Variants in NRG3 observed in about 807,000 individuals in gnomAD.
NRG3 encodes the protein neuregulin 3.
NRG3 carries 31 observed loss-of-function variants against 66.9 expected under a neutral mutation model. That is an observed-to-expected ratio of 0.46 (90% CI 0.35 to 0.63). The LOEUF (loss-of-function observed/expected upper bound fraction) is 0.63. NRG3 is among the 20% of genes least tolerant of loss of function. The pLI is 0.00. For synonymous variants in NRG3, 393 were observed against 359.4 expected, an observed-to-expected ratio of 1.09 and a Z score of -1.06; for missense variants, 910 against 878.9, an observed-to-expected ratio of 1.04 and a Z score of -0.45.
At chr10:82,019,108 C>T (rs932221366) in intron 1 of NRG3, among the ~76,000 whole-genome samples, 1 of 152,054 alleles carries the variant, frequency 6.6e-6, no homozygotes, top group Non-Finnish European at 1.5e-5. Context: ...GAGATATGTC[C>T]CATCAATACC....
chr10:82,230,510 A>G (rs1258212118), intron 1 of NRG3: 1 of 152,034 alleles, frequency 6.6e-6, no homozygotes, highest in Non-Finnish European at 1.5e-5. Context: ...CAGTGAATGT[A>G]TCTTTTAAAG....
At chr10:82,271,849 C>G (rs1035469888) in intron 1 of NRG3, among the ~76,000 whole-genome samples, 26 of 152,162 alleles carry the variant, frequency 1.7e-4, no homozygotes, top group African/African-American at 6.3e-4. Flanking sequence ...TTATCTTGTT[C>G]TTTTCCTGAT....
intron 1 of NRG3, among the ~76,000 whole-genome samples, chr10:82,148,496 A>G (rs1049852823): frequency 6.6e-6 from 1 of 152,078 alleles, no homozygotes; most frequent in South Asian, 2.1e-4. Context: ...GTAAGCTTAA[A>G]TATCTTGTCT....
chr10:81,990,758 A>T (rs2060708493), intron 1 of NRG3, among the ~76,000 whole-genome samples: 1 of 152,156 alleles, frequency 6.6e-6, no homozygotes, highest in Non-Finnish European at 1.5e-5. Flanking sequence ...TTATGCTGAA[A>T]TGCCTTTTAT....
intron 1 of NRG3, among the ~76,000 whole-genome samples, chr10:82,180,626 G>A (rs1287241504): frequency 1.3e-5 from 2 of 151,752 alleles, no homozygotes; most frequent in Non-Finnish European, 3.0e-5. Context: ...CTCTTAGTGC[G>A]CTGTTGAATT....
chr10:82,136,703 T>C (rs1325931350), intron 1 of NRG3, among the ~76,000 whole-genome samples: 1 of 152,116 alleles, frequency 6.6e-6, no homozygotes, highest in East Asian at 1.9e-4. Flanking sequence ...TGATGTTTAT[T>C]CAGGACCCAA....
chr10:81,904,822 C>T (rs1028388292), intron 1 of NRG3, among the ~76,000 whole-genome samples: 3 of 152,124 alleles, frequency 2.0e-5, no homozygotes, highest in African/African-American at 7.2e-5. Flanking sequence ...GTAATCTCCT[C>T]TCAGCCCATG....
intron 2 of NRG3, among the ~76,000 whole-genome samples, chr10:82,736,654 A>C (rs773948732): frequency 1.7e-4 from 26 of 152,226 alleles, no homozygotes; most frequent in Non-Finnish European, 3.4e-4. Flanking sequence ...GCACTCATGG[A>C]AAATCAGTTT....
chr10:82,335,874 G>A (rs1219184034), intron 1 of NRG3, among the ~76,000 whole-genome samples: 2 of 152,086 alleles, frequency 1.3e-5, no homozygotes, highest in Non-Finnish European at 2.9e-5. Context: ...TATATAATCT[G>A]TGAGAAAGCC....
chr10:82,461,070 C>T (rs2091489718), intron 2 of NRG3, among the ~76,000 whole-genome samples: 1 of 151,676 alleles, frequency 6.6e-6, no homozygotes, highest in African/African-American at 2.4e-5. Context: ...AGCACTACCG[C>T]CACCATCAAC....
At chr10:82,302,864 A>G (rs1476287798) in intron 1 of NRG3, among the ~76,000 whole-genome samples, 3 of 152,162 alleles carry the variant, frequency 2.0e-5, no homozygotes, top group African/African-American at 7.2e-5. Flanking sequence ...CATTATTTCA[A>G]TAATGGGTCC....
At chr10:82,969,603 G>C (rs1851544394) in intron 6 of NRG3, among the ~76,000 whole-genome samples, 1 of 152,128 alleles carries the variant, frequency 6.6e-6, no homozygotes, top group Non-Finnish European at 1.5e-5. Flanking sequence ...TTCAAGACAT[G>C]GTCATTACTG....
intron 3 of NRG3, among the ~76,000 whole-genome samples, chr10:82,754,479 C>T (rs921036151): frequency 1.4e-5 from 2 of 145,588 alleles, no homozygotes; most frequent in African/African-American, 5.1e-5. Context: ...GTTAATGAAG[C>T]AGAAGAAGCC....
chr10:82,504,581 G>T (rs982708896), intron 2 of NRG3, among the ~76,000 whole-genome samples: 1 of 152,174 alleles, frequency 6.6e-6, no homozygotes, highest in African/African-American at 2.4e-5. Flanking sequence ...ACAGAGATAG[G>T]TTAATTTATA....
At chr10:81,880,405 A>AG (rs1564628740) in intron 1 of NRG3, among the ~76,000 whole-genome samples, 1 of 152,126 alleles carries the variant, frequency 6.6e-6, no homozygotes, top group Non-Finnish European at 1.5e-5. Flanking sequence ...ACCAAAAAAA[A>AG]CAAAAAAAAA....
intron 3 of NRG3, among the ~76,000 whole-genome samples, chr10:82,744,490 T>C (rs1208799885): frequency 6.6e-6 from 1 of 152,148 alleles, no homozygotes; most frequent in African/African-American, 2.4e-5. Context: ...TGAGGATTTC[T>C]TCTTCCCGAT....
intron 3 of NRG3, among the ~76,000 whole-genome samples, chr10:82,804,507 A>G (rs2061193386): frequency 6.6e-6 from 1 of 152,172 alleles, no homozygotes; most frequent in Non-Finnish European, 1.5e-5. Context: ...GGTCGAGGAT[A>G]AAAGGGGGCC....
intron 1 of NRG3, among the ~76,000 whole-genome samples, chr10:81,908,307 A>G (rs1564648351): frequency 6.6e-6 from 1 of 152,216 alleles, no homozygotes; most frequent in African/African-American, 2.4e-5. Flanking sequence ...CCCTGGGCCT[A>G]GTCCACACAC....
intron 1 of NRG3, among the ~76,000 whole-genome samples, chr10:82,036,060 G>C (rs1432846748): frequency 6.6e-6 from 1 of 152,090 alleles, no homozygotes; most frequent in African/African-American, 2.4e-5. Flanking sequence ...GTCTGGGACT[G>C]TTTCAAGGCT....
Sources: gnomAD v4.1 joint callset for allele counts (sites outside exome capture counted in the v4.1 genomes callset) on GRCh38, gnomAD v4.1.1 for gene constraint, MANE v1.5 for transcripts, NCBI Gene and HGNC (gene_info 2026-07-23, HGNC 2026-07-21) for gene names.